The following CDS1 variants were observed in gnomAD, a reference collection of about 807,000 sequenced individuals.
CDS1 encodes the protein phosphatidate cytidylyltransferase 1.
CDS1 carries 41 observed loss-of-function variants against 62.1 expected under a neutral mutation model. That is an observed-to-expected ratio of 0.66 (90% CI 0.51 to 0.86). The LOEUF is 0.86. CDS1 is among the 40% of genes least tolerant of loss of function. The pLI, the probability that CDS1 is intolerant of heterozygous loss-of-function variation, is 0.00. For synonymous variants in CDS1, 185 were observed against 192.6 expected, an observed-to-expected ratio of 0.96 and a Z score of 0.32; for missense variants, 470 against 550.1, an observed-to-expected ratio of 0.85 and a Z score of 1.46.
At chr4:84,589,751 G>T (rs138141531) in intron 1 of CDS1, among the ~76,000 whole-genome samples, 2 of 152,346 alleles carry the variant, frequency 1.3e-5, no homozygotes, top group Non-Finnish European at 2.9e-5. Flanking sequence ...GTATTTCAGA[G>T]GGGGAGAGGC....
At chr4:84,607,757 G>A (rs1723176199) in intron 2 of CDS1, among the ~76,000 whole-genome samples, 1 of 151,992 alleles carries the variant, frequency 6.6e-6, no homozygotes, top group South Asian at 2.1e-4. Context: ...AAGGAGTGAG[G>A]ACTTGTGCTT....
At chr4:84,587,353 C>T in intron 1 of CDS1, among the ~76,000 whole-genome samples, 1 of 152,156 alleles carries the variant, frequency 6.6e-6, no homozygotes, top group East Asian at 1.9e-4. Flanking sequence ...TCCTATCACA[C>T]TTCCCAAAAA....
rs374317419 is a variant in CDS1 at position 84,635,457 on chromosome 4, C to T, written c.810+106C>T. On this transcript the variant is annotated intron_variant, in intron 8 of 12. Transcript: ENST00000295887. ...TTGTGCATTTTTTATTTTTGAGGTG[C>T]TTTGATTTTCCTTAGCTGCATGGTG... is the stretch of plus-strand genomic sequence containing the variant. 3.1e-4 allele frequency: 231 copies of T among 734,418 alleles called. No homozygotes were observed. In the African/African-American group the frequency reaches 3.5e-3, roughly 11 times the overall value. 45.5% of individuals were successfully genotyped at this position (734,418 alleles called of 1,614,324 possible).
At chr4:84,617,338 G>C (rs1578035520) in intron 3 of CDS1, among the ~76,000 whole-genome samples, 1 of 152,098 alleles carries the variant, frequency 6.6e-6, no homozygotes. Flanking sequence ...CCCACCCCAG[G>C]AAGGATCTTC....
At chr4:84,635,177 C>A in intron 7 of CDS1, 87 bp from the exon 8 acceptor site, 1 of 674,592 alleles carries the variant, frequency 1.5e-6, no homozygotes, top group South Asian at 1.8e-5. Flanking sequence ...TCTGATGGTT[C>A]ATTATGAATC....
intron 1 of CDS1, among the ~76,000 whole-genome samples, chr4:84,591,551 C>T (rs1041574455): frequency 6.6e-6 from 1 of 152,114 alleles, no homozygotes; most frequent in African/African-American, 2.4e-5. Flanking sequence ...TGGACTTTCC[C>T]TGCATGGAAT....
intron 1 of CDS1, among the ~76,000 whole-genome samples, chr4:84,602,053 C>T (rs1427287619): frequency 6.6e-6 from 1 of 152,138 alleles, no homozygotes; most frequent in African/African-American, 2.4e-5. Flanking sequence ...TTTCCCTGAT[C>T]TCCATTCACA....
intron 5 of CDS1, among the ~76,000 whole-genome samples, chr4:84,619,824 G>C (rs1341058715): frequency 6.6e-6 from 1 of 151,860 alleles, no homozygotes; most frequent in Non-Finnish European, 1.5e-5. Context: ...TCTGAAGTCG[G>C]GAGTTTGAGA....
Position 84,649,415 on chromosome 4 carries a change from A to G in CDS1, c.*729A>G, listed in dbSNP as rs982410991. The G allele has an allele frequency of 7.9e-5, 12 of 152,288 alleles. No individual in the cohort carries two copies. Among genetic ancestry groups the G allele is most frequent in the African/African-American group, 2.9e-4 (12 of 41,470 alleles). The allele number at this position is 152,288 out of a possible 1,614,324, so 9.4% of individuals were successfully genotyped here. ...AACAAGGAAGAATTCTGCTGTGAAG[A>G]ACACAGTGTACGGATCCTCCGCATA... On this transcript the variant is annotated 3_prime_UTR_variant, in exon 13 of 13. Coordinates refer to ENST00000295887, the MANE Select transcript of CDS1 (RefSeq NM_001263.4).
chr4:84,639,910 G>A (rs1376640546), intron 9 of CDS1, among the ~76,000 whole-genome samples: 1 of 151,838 alleles, frequency 6.6e-6, no homozygotes. Flanking sequence ...ATAGAAGAAT[G>A]CAAAAGGATC....
At chr4:84,633,128 G>A (rs2148655799) in intron 6 of CDS1, among the ~76,000 whole-genome samples, 1 of 152,274 alleles carries the variant, frequency 6.6e-6, no homozygotes, top group South Asian at 2.1e-4. Context: ...TATCTCAAGG[G>A]TGGGGGTCCA....
chr4:84,646,643 C>G (rs1724565580), intron 12 of CDS1, among the ~76,000 whole-genome samples: 1 of 152,086 alleles, frequency 6.6e-6, no homozygotes, highest in African/African-American at 2.4e-5. Context: ...GGAAAACATA[C>G]TCTATGATTT....
chr4:84,615,586 C>G (rs945442470), intron 3 of CDS1, among the ~76,000 whole-genome samples: 1 of 152,106 alleles, frequency 6.6e-6, no homozygotes, highest in Admixed American at 6.5e-5. Flanking sequence ...TGCCCACCCC[C>G]TCCCCCTGCC....
intron 8 of CDS1, among the ~76,000 whole-genome samples, chr4:84,636,536 G>A (rs764950375): frequency 2.0e-5 from 3 of 151,942 alleles, no homozygotes; most frequent in Admixed American, 6.6e-5. Flanking sequence ...GTTTTTATTC[G>A]TTTTTGGAGA....
intron 6 of CDS1, 37 bp downstream of exon 6, chr4:84,631,914 G>A: frequency 6.9e-7 from 1 of 1,458,110 alleles, no homozygotes; most frequent in Non-Finnish European, 9.6e-7. Flanking sequence ...CATTATCTGT[G>A]ATAAAAACCC....
Position 84,636,995 on chromosome 4 carries a change from G to C in CDS1, c.810+1644G>C, listed in dbSNP as rs75042041. Reference sequence around the variant, plus strand: ...CAATTGTTCAGATATAAAGCCTTCTGTTTGTTCAGAGTGGTATGAGGGTAG... The same window carrying C: ...CAATTGTTCAGATATAAAGCCTTCTCTTTGTTCAGAGTGGTATGAGGGTAG... On this transcript the variant is annotated intron_variant, in intron 8 of 12. Coordinates refer to ENST00000295887, the MANE Select transcript of CDS1 (RefSeq NM_001263.4). Among the ~76,000 whole-genome samples the C allele has an allele frequency of 7.4e-3, 1,127 of 152,274 alleles. 22 individuals carry two copies. The highest frequency in any genetic ancestry group is 0.026 in the African/African-American group (1,064 of 41,550).
At chr4:84,609,118 T>A (rs1017804914) in intron 2 of CDS1, among the ~76,000 whole-genome samples, 1 of 144,726 alleles carries the variant, frequency 6.9e-6, no homozygotes, top group Non-Finnish European at 1.5e-5. Context: ...GGTGGAGCTT[T>A]CAGTGAGCCG....
intron 12 of CDS1, 45 bp from the exon 13 acceptor site, chr4:84,648,512 C>T: frequency 1.9e-6 from 3 of 1,593,654 alleles, no homozygotes; most frequent in Non-Finnish European, 2.6e-6. Context: ...TCACTTATCC[C>T]TATTAAAATA....
chr4:84,607,740 T>TA (rs1044168859), intron 2 of CDS1, among the ~76,000 whole-genome samples: 1 of 151,420 alleles, frequency 6.6e-6, no homozygotes, highest in Non-Finnish European at 1.5e-5. Context: ...TATTTTTTTT[T>TA]AAAAAAAAGG....
Sources: allele counts gnomAD v4.1 joint callset (sites outside exome capture counted in the v4.1 genomes callset), GRCh38; gene constraint gnomAD v4.1.1; transcripts MANE v1.5; gene names NCBI Gene and HGNC (gene_info 2026-07-23, HGNC 2026-07-21).